NFU1: variants seen among roughly 807,000 people sequenced by gnomAD.
NFU1 encodes the protein NFU1 iron-sulfur cluster scaffold homolog, mitochondrial.
NFU1 carries 30 observed loss-of-function variants against 32.2 expected under a neutral mutation model. The ratio of observed to expected loss-of-function variants is 0.93; its 90% CI spans 0.70 to 1.26. NFU1 has a LOEUF of 1.26. Ranked by LOEUF, NFU1 falls within the 50% of genes most tolerant of loss-of-function variation. NFU1 has a pLI of 0.00. For missense variants in NFU1, 306 were observed against 306.6 expected, an observed-to-expected ratio of 1.00 and a Z score of 0.02; for synonymous variants, 112 against 104.6, an observed-to-expected ratio of 1.07 and a Z score of -0.43.
upstream of NFU1, among the ~76,000 whole-genome samples, chr2:69,439,091 ACT>A (rs1287413193): frequency 1.3e-5 from 2 of 150,620 alleles, no homozygotes; most frequent in Non-Finnish European, 3.0e-5. Flanking sequence ...CCTCTTCCAC[ACT>A]CTTTTCTTCC....
intron 1 of NFU1, among the ~76,000 whole-genome samples, chr2:69,436,731 T>C (rs1387675924): frequency 6.6e-6 from 1 of 152,202 alleles, no homozygotes; most frequent in East Asian, 1.9e-4. Flanking sequence ...CCTACATAAA[T>C]GTCCTCTTAG....
intron 5 of NFU1, among the ~76,000 whole-genome samples, chr2:69,414,169 T>G (rs1204688823): frequency 1.3e-5 from 2 of 152,296 alleles, no homozygotes; most frequent in Admixed American, 6.5e-5. Context: ...GTACAAAAAC[T>G]TTACTTGAAC....
intron 4 of NFU1, among the ~76,000 whole-genome samples, chr2:69,419,265 G>GGCA (rs1673161625): frequency 6.6e-6 from 1 of 151,894 alleles, no homozygotes; most frequent in East Asian, 1.9e-4. Context: ...AGGCAGAGGT[G>GGCA]GCAGTGAGCC....
chr2:69,439,037 T>C (rs1307924563), upstream of NFU1, among the ~76,000 whole-genome samples: 1 of 151,960 alleles, frequency 6.6e-6, no homozygotes, highest in Admixed American at 6.6e-5. Context: ...TTTCCCTCTC[T>C]GATGGATTCC....
At position 69,423,631 on chromosome 2, in the gene NFU1, T is replaced by C; in HGVS notation, c.253A>G (p.Thr85Ala). Residue 85 changes from threonine (T) to alanine (A), a missense_variant, in exon 3 of 8, where the codon ACC (threonine) becomes GCC (alanine). Thr to Ala is a moderately conservative substitution (Grantham distance 58). Transcript: ENST00000410022. ...GCAGCTGGGGTGGGAAAATCCATGG[T>C]CCTTGTCTCAAGAACTGGTTTTCCT... ...IPGKPVLETR[T>A]MDFPTPAAAF... The C allele has an allele frequency of 6.2e-7, 1 of 1,613,828 alleles. No individual in the cohort carries two copies. Among genetic ancestry groups the C allele is most frequent in the Non-Finnish European group, 8.5e-7 (1 of 1,179,796 alleles).
At chr2:69,417,724 G>A (rs1308769196) in intron 4 of NFU1, among the ~76,000 whole-genome samples, 1 of 151,788 alleles carries the variant, frequency 6.6e-6, no homozygotes, top group African/African-American at 2.4e-5. Flanking sequence ...CCTAACTTGG[G>A]ATATTATCTA....
chr2:69,423,491 G>T, intron 3 of NFU1, 91 bp downstream of exon 3: 1 of 1,187,792 alleles, frequency 8.4e-7, no homozygotes, highest in African/African-American at 1.5e-5. Flanking sequence ...AGTGCACATA[G>T]AAATGCAATA....
At chr2:69,411,021 C>T (rs749283927) in intron 5 of NFU1, 5 of 151,708 alleles carry the variant, frequency 3.3e-5, no homozygotes, top group Non-Finnish European at 5.9e-5. Context: ...ATAATTAAAA[C>T]TCCATATGTT....
chr2:69,424,039 G>A (rs1673359236), intron 2 of NFU1, among the ~76,000 whole-genome samples: 1 of 151,246 alleles, frequency 6.6e-6, no homozygotes, highest in African/African-American at 2.4e-5. Context: ...CAGGCGTGGT[G>A]GCGGGTGCCT....
intron 3 of NFU1, 29 bp downstream of exon 3, chr2:69,423,553 G>A (rs1312873394): frequency 6.2e-7 from 1 of 1,602,484 alleles, no homozygotes; most frequent in Non-Finnish European, 8.5e-7. Flanking sequence ...TATGTTTCTT[G>A]GTAAAAGCAA....
rs70954344 is a variant in NFU1, at chr2:69,408,734, TTATATATA to T, written c.485-2660_485-2653del. ...CACCGTCTCAAAAAAATATAAAATT[TTATATATA>T]TATATATATATATATATATATATAT... On this transcript the variant is annotated intron_variant, in intron 5 of 7. Coordinates refer to ENST00000410022, the MANE Select transcript of NFU1 (RefSeq NM_001002755.4). 3.5e-4 allele frequency among the ~76,000 whole-genome samples: 48 copies of T among 136,434 alleles called. 1 individual carries two copies. Among genetic ancestry groups the T allele is most frequent in the African/African-American group, 8.2e-4 (32 of 38,978 alleles). The allele number at this position is 136,434 out of a possible 152,430, so 89.5% of individuals were successfully genotyped here. A position where few individuals can be genotyped will look rare whatever the true frequency, so the allele number is the denominator to read the frequency against.
upstream of NFU1, among the ~76,000 whole-genome samples, chr2:69,439,320 G>A (rs557609517): frequency 2.0e-5 from 3 of 152,260 alleles, no homozygotes; most frequent in African/African-American, 7.2e-5. Flanking sequence ...CTTGTGGTGA[G>A]TGTTACAGTT....
At chr2:69,424,781 A>G (rs748169777) in intron 2 of NFU1, among the ~76,000 whole-genome samples, 1 of 152,142 alleles carries the variant, frequency 6.6e-6, no homozygotes, top group Non-Finnish European at 1.5e-5. Flanking sequence ...TCTTCTTTCT[A>G]AAGTGCCACC....
chr2:69,420,876 C>CACGCATACACACACATAATGTA (rs1470995971), intron 3 of NFU1, among the ~76,000 whole-genome samples: 1 of 152,142 alleles, frequency 6.6e-6, no homozygotes, highest in Non-Finnish European at 1.5e-5. Context: ...ATTTGTATCT[C>CACGCATACACACACATAATGTA]ACGCATACAC....
chr2:69,427,061 A>G (rs1673481281), intron 2 of NFU1, among the ~76,000 whole-genome samples: 1 of 82,030 alleles, frequency 1.2e-5, no homozygotes, highest in Admixed American at 1.1e-4. Flanking sequence ...CTAGGTCTCA[A>G]AAAAAAAAAA....
intron 3 of NFU1, among the ~76,000 whole-genome samples, chr2:69,423,170 G>GTA (rs368245197): frequency 0.054 from 6,141 of 113,814 alleles, 532 homozygotes; most frequent in East Asian, 0.17. Context: ...GTGTGTGTAT[G>GTA]TGTGTGTGTG....
At chr2:69,398,252 TA>T (rs1405622049) in intron 7 of NFU1, among the ~76,000 whole-genome samples, 9 of 152,126 alleles carry the variant, frequency 5.9e-5, no homozygotes. Flanking sequence ...CACGTAAACA[TA>T]AAGCTAAAAC....
At chr2:69,403,517 T>G (rs1218183785) in intron 6 of NFU1, among the ~76,000 whole-genome samples, 1 of 152,012 alleles carries the variant, frequency 6.6e-6, no homozygotes, top group Non-Finnish European at 1.5e-5. Flanking sequence ...CAGGAACAGC[T>G]GAGACTACAG....
intron 1 of NFU1, among the ~76,000 whole-genome samples, chr2:69,433,940 G>GT (rs57285184): frequency 0.14 from 19,312 of 139,856 alleles, 1,442 homozygotes; most frequent in Non-Finnish European, 0.17. Context: ...TGCCCAGCTA[G>GT]TTTTTTTTTT....
Sources: gnomAD v4.1 joint callset for allele counts (sites outside exome capture counted in the v4.1 genomes callset) on GRCh38, gnomAD v4.1.1 for gene constraint, MANE v1.5 for transcripts, NCBI Gene and HGNC (gene_info 2026-07-23, HGNC 2026-07-21) for gene names.